Variants in RIPOR2 observed in about 807,000 individuals in gnomAD.
RIPOR2 encodes the protein rho family-interacting cell polarization regulator 2.
Under a neutral mutation model 114.5 loss-of-function variants are expected in RIPOR2, and 39 were observed. The ratio of observed to expected loss-of-function variants is 0.34; its 90% CI spans 0.26 to 0.44. RIPOR2 has a LOEUF of 0.44. Among genes scored for constraint, RIPOR2 ranks in the 20% least tolerant of loss-of-function variants. The pLI is 1.00. For synonymous variants in RIPOR2, 445 were observed against 484.4 expected (o/e 0.92, Z 1.07); for missense variants, 1,007 against 1,255.1 (o/e 0.80, Z 2.99).
At chr6:24,834,599 T>A (rs1368618738) in intron 15 of RIPOR2, among the ~76,000 whole-genome samples, 1 of 152,036 alleles carries the variant, frequency 6.6e-6, no homozygotes, top group East Asian at 1.9e-4. Flanking sequence ...GCGTTCTGCA[T>A]CTATGCCTAC....
chr6:24,896,411 G>A (rs1003583453), intron 1 of RIPOR2, among the ~76,000 whole-genome samples: 3 of 152,138 alleles, frequency 2.0e-5, no homozygotes, highest in East Asian at 1.9e-4. Flanking sequence ...GTTTACTAAA[G>A]TCTAGATTGA....
intron 1 of RIPOR2, among the ~76,000 whole-genome samples, chr6:24,943,993 T>C (rs1772280372): frequency 6.6e-6 from 1 of 152,018 alleles, no homozygotes; most frequent in South Asian, 2.1e-4. Context: ...CCTAAGTCAG[T>C]GGATTAGAGT....
At chr6:24,901,836 G>T (rs1768478819) in intron 1 of RIPOR2, among the ~76,000 whole-genome samples, 1 of 152,162 alleles carries the variant, frequency 6.6e-6, no homozygotes, top group African/African-American at 2.4e-5. Context: ...GTGCTAACCA[G>T]CTAATCCATT....
At chr6:24,957,861 CGA>C (rs1229096823) in intron 1 of RIPOR2, among the ~76,000 whole-genome samples, 1 of 152,080 alleles carries the variant, frequency 6.6e-6, no homozygotes. Context: ...GGCGACAGAG[CGA>C]AGACTCCGTC....
intron 1 of RIPOR2, chr6:25,031,421 TTGTGG>T (rs1776922374): frequency 6.6e-6 from 1 of 151,946 alleles, no homozygotes; most frequent in Non-Finnish European, 1.5e-5. Flanking sequence ...ATCTTCATTG[TTGTGG>T]TGGTTACACG....
chr6:25,024,586 GA>G (rs79393004), intron 1 of RIPOR2: 94,152 of 505,530 alleles, frequency 0.19, 11,581 homozygotes, highest in East Asian at 0.57. Context: ...GACAGAACAA[GA>G]GCAGTCAGAT....
chr6:24,875,954 T>C, intron 1 of RIPOR2, 137 bp from the exon 2 acceptor site: 2 of 779,248 alleles, frequency 2.6e-6, no homozygotes, highest in South Asian at 3.7e-5. Context: ...TATTATGGAG[T>C]GTCCTGAAGA....
At chr6:24,974,174 A>T (rs1773924307) in intron 1 of RIPOR2, among the ~76,000 whole-genome samples, 1 of 152,182 alleles carries the variant, frequency 6.6e-6, no homozygotes, top group Non-Finnish European at 1.5e-5. Context: ...GTTTGAGCCC[A>T]GGAGTTAGAG....
intron 19 of RIPOR2, among the ~76,000 whole-genome samples, chr6:24,822,506 A>G (rs1759784704): frequency 1.3e-5 from 2 of 151,774 alleles, no homozygotes; most frequent in South Asian, 4.2e-4. Context: ...TTACGTATTT[A>G]TTTATTTTTA....
At chr6:24,920,121 T>C (rs1053980387) in intron 1 of RIPOR2, among the ~76,000 whole-genome samples, 1 of 152,176 alleles carries the variant, frequency 6.6e-6, no homozygotes, top group Non-Finnish European at 1.5e-5. Context: ...GACTGTTAAA[T>C]GGATGTGTGA....
chr6:24,925,612 G>C (rs1461034423), intron 1 of RIPOR2, among the ~76,000 whole-genome samples: 1 of 151,900 alleles, frequency 6.6e-6, no homozygotes, highest in Non-Finnish European at 1.5e-5. Flanking sequence ...TGAGGCAGGA[G>C]AATCGCTTGA....
chr6:25,006,827 A>G (rs1193409439), intron 1 of RIPOR2, among the ~76,000 whole-genome samples: 6 of 152,254 alleles, frequency 3.9e-5, no homozygotes, highest in Non-Finnish European at 2.9e-5. Context: ...AAGAGGAAAC[A>G]TGCACTCTTT....
chr6:24,820,104 C>T (rs1233524770), intron 19 of RIPOR2, among the ~76,000 whole-genome samples: 1 of 152,132 alleles, frequency 6.6e-6, no homozygotes, highest in Non-Finnish European at 1.5e-5. Flanking sequence ...ACAAACTTGG[C>T]TCACTGCAAC....
At position 24,850,660 on chromosome 6, in the gene RIPOR2, C is replaced by T. The variant is rs1265123523; in HGVS notation, c.822G>A (p.Lys274=). The T allele has an allele frequency of 1.2e-6, 2 of 1,613,788 alleles. No homozygotes were observed. The highest frequency in any genetic ancestry group is 2.2e-5 in the East Asian group (1 of 44,884). ...KLKGKIEVNG[K]QSWDGEETVF... Reference sequence around the variant, plus strand: ...CTGTTTCTTCTCCATCCCAGCTCTGCTTGCCATTTACTTCTATTTTGCCTT... The same window carrying T: ...CTGTTTCTTCTCCATCCCAGCTCTGTTTGCCATTTACTTCTATTTTGCCTT... Residue 274 remains lysine, a synonymous_variant, in exon 10 of 22, where the codon AAG becomes AAA. Transcript: ENST00000643898.
intron 9 of RIPOR2, 143 bp downstream of exon 9, chr6:24,852,432 G>T: frequency 1.5e-6 from 1 of 679,948 alleles, no homozygotes; most frequent in Admixed American, 2.8e-5. Context: ...CCAGTTTCCA[G>T]ACTTTCTCAT....
intron 1 of RIPOR2, among the ~76,000 whole-genome samples, chr6:24,970,132 T>C (rs1201405398): frequency 2.1e-5 from 3 of 142,210 alleles, no homozygotes; most frequent in African/African-American, 5.2e-5. Flanking sequence ...GAGCACCTCA[T>C]GGAAGTTGGA....
Position 24,857,745 on chromosome 6 carries a change from G to C in RIPOR2, c.715+3228C>G, listed in dbSNP as rs549723035. Among the ~76,000 whole-genome samples, 5 of 152,300 alleles carry C rather than the reference G, an allele frequency of 3.3e-5. No homozygotes were observed. In the South Asian group the frequency reaches 1.0e-3, roughly 32 times the overall value. ...GTTGACCTGCCCTGGAAACTGTAAG[G>C]ACCAGGATATATGCACTGCCTGGAA... On this transcript the variant is annotated intron_variant, in intron 8 of 21. Transcript: ENST00000643898.
chr6:24,939,214 A>G (rs1198590722), upstream of RIPOR2, among the ~76,000 whole-genome samples: 1 of 152,164 alleles, frequency 6.6e-6, no homozygotes, highest in Non-Finnish European at 1.5e-5. Flanking sequence ...CAGAGTCCAA[A>G]CTCTTAAACA....
At chr6:24,974,909 T>C (rs1773969421) in intron 1 of RIPOR2, among the ~76,000 whole-genome samples, 1 of 152,214 alleles carries the variant, frequency 6.6e-6, no homozygotes, top group Non-Finnish European at 1.5e-5. Context: ...ACATATTGTA[T>C]GAGTTTATGG....
Sources: allele counts gnomAD v4.1 joint callset (sites outside exome capture counted in the v4.1 genomes callset), GRCh38; gene constraint gnomAD v4.1.1; transcripts MANE v1.5; gene names NCBI Gene and HGNC (gene_info 2026-07-23, HGNC 2026-07-21).